Variants in TBC1D8 observed in about 807,000 individuals in gnomAD.
TBC1D8 encodes the protein BUB2-like protein 1.
TBC1D8 carries 65 observed loss-of-function variants against 118.8 expected under a neutral mutation model. The ratio of observed to expected loss-of-function variants is 0.55; its 90% CI spans 0.45 to 0.67. The LOEUF is 0.67. TBC1D8 is among the 30% of genes least tolerant of loss of function. The pLI is 0.00. For synonymous variants in TBC1D8, 566 were observed against 595.8 expected, an observed-to-expected ratio of 0.95 and a Z score of 0.73; for missense variants, 1,376 against 1,471.2, an observed-to-expected ratio of 0.94 and a Z score of 1.06.
At chr2:101,046,846 G>A (rs557678471) in intron 5 of TBC1D8, among the ~76,000 whole-genome samples, 2 of 152,066 alleles carry the variant, frequency 1.3e-5, no homozygotes, top group South Asian at 2.1e-4. Context: ...AGCCTGCCTC[G>A]TGGGAAACAG....
At position 101,028,135 on chromosome 2, in the gene TBC1D8, G is replaced by T; in HGVS notation, c.2364C>A (p.Asp788Glu). The T allele has an allele frequency of 6.2e-7, 1 of 1,613,846 alleles. No homozygotes were observed. Among genetic ancestry groups the T allele is most frequent in the South Asian group, 1.1e-5 (1 of 91,076 alleles). Reference sequence around the variant, plus strand: ...GGTGCTCGATCTGCTCCACAGACTGGTCTCCAAATTTCTGCAGGGAAAAAA... The same window carrying T: ...GGTGCTCGATCTGCTCCACAGACTGTTCTCCAAATTTCTGCAGGGAAAAAA... ...LIRDSYEKFG[D>E]QSVEQIEHLR... is the part of the protein sequence containing the mutation. The change falls in exon 14 of 20, where the codon GAC becomes GAA. Residue 788 changes from aspartate (D) to glutamate (E), a missense_variant. By Grantham distance (45) the Asp-to-Glu change is conservative (BLOSUM62 2). Coordinates refer to ENST00000409318, the MANE Select transcript of TBC1D8 (RefSeq NM_001330348.2).
At chr2:101,059,225 T>A (rs1159140403) in intron 3 of TBC1D8, among the ~76,000 whole-genome samples, 196 bp downstream of exon 3, 1 of 151,898 alleles carries the variant, frequency 6.6e-6, no homozygotes, top group Admixed American at 6.6e-5. Flanking sequence ...TTTTTTTTTT[T>A]TTTTTAACAT....
intron 15 of TBC1D8, among the ~76,000 whole-genome samples, chr2:101,026,253 C>T (rs1350896416): frequency 6.6e-6 from 1 of 152,182 alleles, no homozygotes; most frequent in Non-Finnish European, 1.5e-5. Flanking sequence ...AATTTGTTTG[C>T]CTACTTTTAT....
At chr2:101,135,029 G>T (rs780708845) in intron 1 of TBC1D8, among the ~76,000 whole-genome samples, 1 of 152,088 alleles carries the variant, frequency 6.6e-6, no homozygotes, top group Non-Finnish European at 1.5e-5. Context: ...ATAATTAGCC[G>T]GGTGTGGTGG....
In TBC1D8 at chr2:101,092,456, G is replaced by A. The variant is rs181162284; in HGVS notation, c.128-2092C>T. Among the ~76,000 whole-genome samples, 16 of 152,232 alleles carry A rather than the reference G, an allele frequency of 1.1e-4. No individual in the cohort carries two copies. The South Asian group carries it at 1.9e-3, about 18-fold the overall frequency. On this transcript the variant is annotated intron_variant, in intron 1 of 19. Transcript: ENST00000409318. ...TTATTCCTTTTTCTTTGAAATTAAC[G>A]AGTATTCTGTGGAGAAGTATTCTGA... is the stretch of plus-strand genomic sequence containing the variant.
At chr2:101,124,292 CATG>C (rs1269181575) in intron 1 of TBC1D8, among the ~76,000 whole-genome samples, 2 of 152,172 alleles carry the variant, frequency 1.3e-5, no homozygotes, top group Non-Finnish European at 2.9e-5. Context: ...AAAGAATTGT[CATG>C]ATTACATAGG....
At chr2:101,079,188 G>A (rs1219628795) in intron 2 of TBC1D8, among the ~76,000 whole-genome samples, 1 of 152,104 alleles carries the variant, frequency 6.6e-6, no homozygotes, top group African/African-American at 2.4e-5. Flanking sequence ...GAAACCCACA[G>A]CCCCAGTCAA....
intron 15 of TBC1D8, among the ~76,000 whole-genome samples, chr2:101,024,197 G>A (rs950904676): frequency 6.6e-5 from 10 of 152,160 alleles, no homozygotes; most frequent in Non-Finnish European, 1.3e-4. Flanking sequence ...CAAAGGATAT[G>A]AACAGGTGAT....
chr2:101,066,536 T>A (rs1558669272), intron 2 of TBC1D8, among the ~76,000 whole-genome samples: 1 of 152,198 alleles, frequency 6.6e-6, no homozygotes, highest in African/African-American at 2.4e-5. Context: ...AATTAAATAG[T>A]GTTTTGATTA....
rs150912866 is a variant in TBC1D8, at chr2:101,031,251, A to T, written c.1936+1017T>A. On this transcript the variant is annotated intron_variant, in intron 11 of 19. Transcript: ENST00000409318. ...AAAAAGGGAAGCAAGCCAGCTAGCC[A>T]CTCAGGCACACGAAGGAGCCGGTGT... Among the ~76,000 whole-genome samples, 47 of 152,308 alleles carry T rather than the reference A, an allele frequency of 3.1e-4. 1 individual carries two copies. Among genetic ancestry groups the T allele is most frequent in the Admixed American group, 2.1e-3 (32 of 15,296 alleles).
intron 2 of TBC1D8, among the ~76,000 whole-genome samples, chr2:101,070,771 A>C (rs1417895819): frequency 6.6e-6 from 1 of 152,196 alleles, no homozygotes; most frequent in Non-Finnish European, 1.5e-5. Flanking sequence ...GCTTCTAATT[A>C]CATTAATTTC....
At chr2:101,037,392 C>T (rs533820890) in intron 8 of TBC1D8, 140 bp downstream of exon 8, 3 of 1,245,992 alleles carry the variant, frequency 2.4e-6, no homozygotes, top group Non-Finnish European at 3.3e-6. Flanking sequence ...TCACTTTTCA[C>T]CCATGAGAAC....
intron 1 of TBC1D8, among the ~76,000 whole-genome samples, chr2:101,116,518 C>G (rs1260418881): frequency 6.6e-5 from 10 of 152,100 alleles, no homozygotes; most frequent in Admixed American, 6.6e-4. Context: ...TTGGAAGGGG[C>G]CAACTCGCCC....
chr2:101,073,679 T>C (rs762514153), intron 2 of TBC1D8, among the ~76,000 whole-genome samples: 3 of 152,230 alleles, frequency 2.0e-5, no homozygotes, highest in Non-Finnish European at 2.9e-5. Flanking sequence ...TATAACTCAC[T>C]GCAGCTTCTC....
chr2:101,099,931 A>G (rs1468646283), intron 1 of TBC1D8, among the ~76,000 whole-genome samples: 1 of 152,202 alleles, frequency 6.6e-6, no homozygotes, highest in Non-Finnish European at 1.5e-5. Context: ...AGCTGGAAGC[A>G]TTTCCATTGA....
At chr2:101,040,997 A>G (rs1460128152) in intron 5 of TBC1D8, among the ~76,000 whole-genome samples, 1 of 152,260 alleles carries the variant, frequency 6.6e-6, no homozygotes, top group African/African-American at 2.4e-5. Context: ...GAGAATTACC[A>G]GAAAAACACT....
chr2:101,015,463 T>A (rs1171010363), intron 17 of TBC1D8, among the ~76,000 whole-genome samples: 2 of 152,216 alleles, frequency 1.3e-5, no homozygotes, highest in South Asian at 2.1e-4. Flanking sequence ...TTACTGTAAC[T>A]TTTTACTTTA....
chr2:101,068,570 G>T (rs1683140477), intron 2 of TBC1D8: 1 of 557,398 alleles, frequency 1.8e-6, no homozygotes, highest in Non-Finnish European at 3.3e-6. Flanking sequence ...TCTGACTCTG[G>T]TAAAATTAGA....
At chr2:101,069,004 A>G (rs1364334141) in intron 2 of TBC1D8, among the ~76,000 whole-genome samples, 1 of 139,246 alleles carries the variant, frequency 7.2e-6, no homozygotes, top group Non-Finnish European at 1.6e-5. Flanking sequence ...CCGTTTCAAG[A>G]AAAAAAAAAA....
Sources: gnomAD v4.1 joint callset for allele counts (sites outside exome capture counted in the v4.1 genomes callset) on GRCh38, gnomAD v4.1.1 for gene constraint, MANE v1.5 for transcripts, NCBI Gene and HGNC (gene_info 2026-07-23, HGNC 2026-07-21) for gene names.